The following WFDC8 variants were observed in gnomAD, a reference collection of about 807,000 sequenced individuals.
WFDC8 encodes WAP four-disulfide core domain protein 8.
WFDC8 carries 24 observed loss-of-function variants against 27.0 expected under a neutral mutation model. The observed-to-expected ratio is 0.89, with a 90% CI of 0.64 to 1.25. WFDC8 has a LOEUF of 1.25. Ranked by LOEUF, WFDC8 falls within the 50% of genes most tolerant of loss-of-function variation. The pLI is 0.00. For missense variants in WFDC8, 287 were observed against 295.9 expected (o/e 0.97, Z 0.22); for synonymous variants, 106 against 99.7 (o/e 1.06, Z -0.38).
At chr20:45,554,693 A>G (rs527320675) in intron 4 of WFDC8, among the ~76,000 whole-genome samples, 1 of 152,254 alleles carries the variant, frequency 6.6e-6, no homozygotes, top group African/African-American at 2.4e-5. Flanking sequence ...CCACAGCACC[A>G]TGATTCCTTA....
intron 1 of WFDC8, among the ~76,000 whole-genome samples, chr20:45,564,948 A>G (rs375095489): frequency 9.7e-5 from 14 of 143,780 alleles, no homozygotes; most frequent in African/African-American, 2.3e-4. Context: ...AAAGAAAGAA[A>G]GAAGGAAGGA....
intron 1 of WFDC8, among the ~76,000 whole-genome samples, chr20:45,564,596 C>A (rs1413237787): frequency 2.6e-5 from 4 of 151,756 alleles, no homozygotes; most frequent in Non-Finnish European, 5.9e-5. Flanking sequence ...ATGGCGTGAA[C>A]CCGGGAGGCA....
intron 4 of WFDC8, 21 bp from the exon 5 acceptor site, chr20:45,553,297 A>G: frequency 1.2e-6 from 2 of 1,605,536 alleles, no homozygotes; most frequent in Admixed American, 3.4e-5. Context: ...AGCAGATGTG[A>G]GCTTCTTAAA....
In WFDC8 at chr20:45,576,358, C is replaced by T. The variant is rs114409960; in HGVS notation, c.26+2864G>A. ...AACTGAGTCTTTTACCATTATCTAG[C>T]AAGCCATCCTTTATCCTTAAAGATA... is the stretch of plus-strand genomic sequence containing the variant. On this transcript the variant is annotated intron_variant, in intron 1 of 5. Coordinates refer to ENST00000289953, the MANE Select transcript of WFDC8 (RefSeq NM_130896.3). Among the ~76,000 whole-genome samples, 1,164 of 151,064 alleles carry T rather than the reference C, an allele frequency of 7.7e-3. 27 individuals are homozygous for T. The highest frequency in any genetic ancestry group is 0.027 in the African/African-American group (1,108 of 41,352).
At chr20:45,576,521 T>C (rs1166454587) in intron 1 of WFDC8, among the ~76,000 whole-genome samples, 2 of 151,258 alleles carry the variant, frequency 1.3e-5, no homozygotes, top group Non-Finnish European at 3.0e-5. Context: ...TGCCTCGGCC[T>C]CCCAAGGAGC....
intron 1 of WFDC8, among the ~76,000 whole-genome samples, chr20:45,565,296 G>A (rs2868306): frequency 0.38 from 57,211 of 151,644 alleles, 11,209 homozygotes; most frequent in Non-Finnish European, 0.43. Context: ...TTTGAAAAAT[G>A]AGTGGATTTG....
chr20:45,557,414 G>T (rs1324648566), intron 3 of WFDC8, among the ~76,000 whole-genome samples: 2 of 152,038 alleles, frequency 1.3e-5, no homozygotes, highest in Admixed American at 1.3e-4. Context: ...ATAAAGATGT[G>T]TTTTGCTTTA....
intron 1 of WFDC8, among the ~76,000 whole-genome samples, chr20:45,566,202 A>G (rs1316791591): frequency 1.6e-5 from 2 of 128,872 alleles, no homozygotes; most frequent in Non-Finnish European, 3.6e-5. Flanking sequence ...TTAGTATTCT[A>G]CCAGCTAAAA....
intron 1 of WFDC8, among the ~76,000 whole-genome samples, chr20:45,571,422 GCGGAATGGT>G (rs1568641654): frequency 1.6e-4 from 24 of 152,146 alleles, no homozygotes; most frequent in African/African-American, 5.8e-4. Context: ...TGTACACATT[GCGGAATGGT>G]TATATCAGGG....
In WFDC8 at chr20:45,570,901, A is replaced by T. The variant is rs6104234; in HGVS notation, c.26+8321T>A. On this transcript the variant is annotated intron_variant, in intron 1 of 5. Transcript: ENST00000289953. Reference sequence around the variant, plus strand: ...GTAAGACTGCATGCTATTTGGAGAAATGAAAGTAATTAGCCTACATTTGTG... The same window carrying T: ...GTAAGACTGCATGCTATTTGGAGAATTGAAAGTAATTAGCCTACATTTGTG... Among the ~76,000 whole-genome samples, 971 of 152,300 alleles carry T rather than the reference A, an allele frequency of 6.4e-3. 10 individuals are homozygous for T. The highest frequency in any genetic ancestry group is 0.022 in the African/African-American group (909 of 41,552).
intron 3 of WFDC8, among the ~76,000 whole-genome samples, chr20:45,556,559 T>C (rs8121615): frequency 0.38 from 58,202 of 151,872 alleles, 11,626 homozygotes; most frequent in Non-Finnish European, 0.43. Context: ...TTGTGGCTGG[T>C]CATTGGAAGT....
intron 2 of WFDC8, 138 bp from the exon 3 acceptor site, chr20:45,559,130 G>A (rs1980376580): frequency 3.7e-6 from 4 of 1,067,176 alleles, no homozygotes; most frequent in Non-Finnish European, 4.0e-6. Context: ...TTATATTCAG[G>A]GGCTAGTTCT....
chr20:45,577,473 G>A (rs926756768), intron 1 of WFDC8, among the ~76,000 whole-genome samples: 6 of 149,512 alleles, frequency 4.0e-5, no homozygotes, highest in Admixed American at 2.7e-4. Context: ...ATCTCGGCTC[G>A]CTGCAACCTC....
intron 4 of WFDC8, 134 bp from the exon 5 acceptor site, chr20:45,553,410 G>T: frequency 8.9e-7 from 1 of 1,123,382 alleles, no homozygotes; most frequent in Non-Finnish European, 1.2e-6. Context: ...ATCTCCAGTA[G>T]GCTGTGGAAG....
At position 45,551,906 on chromosome 20, in the gene WFDC8, A is replaced by G; in HGVS notation, c.*120T>C. On this transcript the variant is annotated 3_prime_UTR_variant, in exon 6 of 6. Coordinates refer to ENST00000289953, the MANE Select transcript of WFDC8 (RefSeq NM_130896.3). ...GGATTATATATAAAATCAAAGTAACATCATTCAATATTGTGATACTTAAGA... is the reference window on the plus strand; with the variant it reads ...GGATTATATATAAAATCAAAGTAACGTCATTCAATATTGTGATACTTAAGA... The G allele has an allele frequency of 8.1e-7, 1 of 1,235,672 alleles. No homozygotes were observed. Among genetic ancestry groups the G allele is most frequent in the Non-Finnish European group, 1.1e-6 (1 of 892,352 alleles). The allele number at this position is 1,235,672 out of a possible 1,614,324, so 76.5% of individuals were successfully genotyped here. A position where few individuals can be genotyped will look rare whatever the true frequency, so the allele number is the denominator to read the frequency against.
At chr20:45,565,040 A>G (rs1377145396) in intron 1 of WFDC8, among the ~76,000 whole-genome samples, 4 of 88,156 alleles carry the variant, frequency 4.5e-5, no homozygotes, top group Non-Finnish European at 8.6e-5. Flanking sequence ...AAGGAAGAAG[A>G]AAGGAAGGAA....
intron 1 of WFDC8, chr20:45,568,051 G>A: frequency 3.2e-6 from 1 of 316,618 alleles, no homozygotes; most frequent in South Asian, 4.1e-5. Flanking sequence ...TTCACATCTT[G>A]TAGAGGCAAA....
rs892167400 is a variant in WFDC8, at chr20:45,551,821, C to T, written c.*205G>A. 3.7e-6 allele frequency: 2 copies of T among 543,680 alleles called. No individual in the cohort carries two copies. Among genetic ancestry groups the T allele is most frequent in the African/African-American group, 3.8e-5 (2 of 52,324 alleles). 33.7% of individuals were successfully genotyped at this position (543,680 alleles called of 1,614,324 possible). The stretch of plus-strand genomic sequence containing the variant: ...GGAGGTTCTACACAATACAAGAAGA[C>T]AAGAAAATAAAGTCATGAAGTTGAA... On this transcript the variant is annotated 3_prime_UTR_variant, in exon 6 of 6. Coordinates refer to ENST00000289953, the MANE Select transcript of WFDC8 (RefSeq NM_130896.3).
chr20:45,573,170 C>A (rs868327116), intron 1 of WFDC8, among the ~76,000 whole-genome samples: 2 of 152,190 alleles, frequency 1.3e-5, no homozygotes, highest in Non-Finnish European at 2.9e-5. Context: ...ATTTTAGGGT[C>A]ATATCCAAGA....
Sources: allele counts gnomAD v4.1 joint callset (sites outside exome capture counted in the v4.1 genomes callset), GRCh38; gene constraint gnomAD v4.1.1; transcripts MANE v1.5; gene names NCBI Gene and HGNC (gene_info 2026-07-23, HGNC 2026-07-21).